Variants in SLC39A11 observed in about 807,000 individuals in gnomAD.
The protein encoded by SLC39A11 is zinc transporter ZIP11.
In SLC39A11, 33 loss-of-function variants were observed where a neutral mutation model predicts 36.1. The observed-to-expected ratio is 0.91, with a 90% confidence interval of 0.69 to 1.22. The LOEUF (loss-of-function observed/expected upper bound fraction) is 1.22, where lower values mean the gene tolerates loss of function less well. Among genes scored for constraint, SLC39A11 ranks in the 50% most tolerant of loss-of-function variants. SLC39A11 has a pLI of 0.00. For synonymous variants in SLC39A11, 166 were observed against 170.3 expected, an observed-to-expected ratio of 0.97 and a Z score of 0.20; for missense variants, 432 against 430.3, an observed-to-expected ratio of 1.00 and a Z score of -0.03.
intron 6 of SLC39A11, among the ~76,000 whole-genome samples, chr17:72,765,058 T>C (rs36020025): frequency 0.012 from 1,809 of 152,308 alleles, 10 homozygotes; most frequent in South Asian, 0.027. Context: ...ACTACCTTTG[T>C]AAAGCTAGTG....
intron 6 of SLC39A11, among the ~76,000 whole-genome samples, chr17:72,823,090 A>G (rs62071205): frequency 0.087 from 13,114 of 151,174 alleles, 969 homozygotes; most frequent in Middle Eastern, 0.12. Context: ...ACAAGGCAGG[A>G]AGAGGTGAGT....
At chr17:72,685,578 G>A (rs1259738440) in intron 7 of SLC39A11, among the ~76,000 whole-genome samples, 1 of 152,220 alleles carries the variant, frequency 6.6e-6, no homozygotes, top group Non-Finnish European at 1.5e-5. Flanking sequence ...GCAAAGGTCA[G>A]TTTTCATCTG....
intron 1 of SLC39A11, 87 bp from the exon 2 acceptor site, chr17:73,088,862 G>T: frequency 1.0e-6 from 1 of 962,472 alleles, no homozygotes. Context: ...ACCCTGTGTG[G>T]GAGCTGGCCT....
chr17:72,905,172 C>CAAAAAAAAAAAAAAAAAA (rs58702930), intron 5 of SLC39A11, among the ~76,000 whole-genome samples: 3 of 42,918 alleles, frequency 7.0e-5, no homozygotes, highest in African/African-American at 2.7e-4. Context: ...GACTCCATCT[C>CAAAAAAAAAAAAAAAAAA]AAAAAAAAAA....
chr17:73,006,378 C>A (rs1429381937), intron 4 of SLC39A11, among the ~76,000 whole-genome samples: 1 of 152,000 alleles, frequency 6.6e-6, no homozygotes, highest in African/African-American at 2.4e-5. Flanking sequence ...GATTGTGGGC[C>A]AAATCCAGCC....
chr17:73,085,142 G>A (rs1568250642), intron 2 of SLC39A11, among the ~76,000 whole-genome samples: 2 of 152,242 alleles, frequency 1.3e-5, no homozygotes, highest in East Asian at 3.9e-4. Flanking sequence ...TAAACCTTTA[G>A]TAAGTAGCCT....
intron 3 of SLC39A11, among the ~76,000 whole-genome samples, chr17:73,061,295 G>A (rs1165592230): frequency 6.6e-6 from 1 of 152,104 alleles, no homozygotes; most frequent in African/African-American, 2.4e-5. Flanking sequence ...AGAAGGCAGA[G>A]GTTGCAGTGA....
At chr17:72,723,757 G>T (rs1265310738) in intron 7 of SLC39A11, among the ~76,000 whole-genome samples, 4 of 152,148 alleles carry the variant, frequency 2.6e-5, no homozygotes, top group Non-Finnish European at 5.9e-5. Flanking sequence ...GCAATCTCAG[G>T]TTAGCAGGTA....
intron 5 of SLC39A11, among the ~76,000 whole-genome samples, chr17:72,941,862 C>CTATCTATT (rs1567991424): frequency 6.9e-6 from 1 of 144,684 alleles, no homozygotes; most frequent in Admixed American, 7.0e-5. Context: ...TTGCTTCATT[C>CTATCTATT]TATTTATTTA....
chr17:72,674,983 C>CATATGT lies in SLC39A11; in HGVS notation c.672-25716_672-25715insACATAT, dbSNP rs1567932718. Reference sequence around the variant, plus strand: ...TTCATTGGAAAAAAAAGTGTGTGTGCGTATGTGTGTGTGTGTGTGTGAGAC... The same window carrying CATATGT: ...TTCATTGGAAAAAAAAGTGTGTGTGCATATGTGTATGTGTGTGTGTGTGTGTGAGAC... On this transcript the variant is annotated intron_variant, in intron 7 of 9. Transcript: ENST00000255559. Among the ~76,000 whole-genome samples the CATATGT allele has an allele frequency of 5.4e-3, 404 of 74,918 alleles. 3 individuals are homozygous for CATATGT. The highest frequency in any genetic ancestry group is 0.025 in the East Asian group (63 of 2,510). 49.1% of individuals were successfully genotyped at this position (74,918 alleles called of 152,430 possible).
At chr17:73,053,259 T>C (rs571157742) in intron 3 of SLC39A11, among the ~76,000 whole-genome samples, 5 of 151,214 alleles carry the variant, frequency 3.3e-5, no homozygotes, top group African/African-American at 4.9e-5. Flanking sequence ...TTTTTAATTA[T>C]ATATGAAGAA....
At chr17:72,976,016 A>G (rs1229374740) in intron 4 of SLC39A11, among the ~76,000 whole-genome samples, 2 of 151,502 alleles carry the variant, frequency 1.3e-5, no homozygotes, top group East Asian at 3.9e-4. Context: ...TAAAAATACA[A>G]AAAATTAGCC....
At chr17:72,750,572 A>G (rs2075117745) in intron 6 of SLC39A11, among the ~76,000 whole-genome samples, 1 of 151,896 alleles carries the variant, frequency 6.6e-6, no homozygotes, top group African/African-American at 2.4e-5. Context: ...TTCCTTCAGG[A>G]TGATGAATAA....
At chr17:72,808,363 C>G (rs148314334) in intron 6 of SLC39A11, among the ~76,000 whole-genome samples, 11 of 152,212 alleles carry the variant, frequency 7.2e-5, no homozygotes, top group Non-Finnish European at 1.3e-4. Flanking sequence ...GGGCTGCCCT[C>G]GCTCATTCTT....
intron 6 of SLC39A11, among the ~76,000 whole-genome samples, chr17:72,773,303 T>C (rs1430892291): frequency 1.3e-5 from 2 of 152,116 alleles, no homozygotes; most frequent in Non-Finnish European, 2.9e-5. Flanking sequence ...CCAAATCTCA[T>C]CTTGAATTGT....
chr17:72,826,307 A>T (rs2078026192), intron 6 of SLC39A11, among the ~76,000 whole-genome samples: 1 of 152,060 alleles, frequency 6.6e-6, no homozygotes, highest in South Asian at 2.1e-4. Context: ...TTCCACCATG[A>T]TTTTAAGTTT....
At chr17:72,973,495 T>C (rs1200187618) in intron 4 of SLC39A11, among the ~76,000 whole-genome samples, 4 of 152,100 alleles carry the variant, frequency 2.6e-5, no homozygotes, top group Admixed American at 6.5e-5. Context: ...GTCTAGGAAT[T>C]ATAGGTAGGC....
intron 7 of SLC39A11, among the ~76,000 whole-genome samples, chr17:72,720,586 G>C (rs1713826827): frequency 1.3e-5 from 2 of 152,162 alleles, no homozygotes; most frequent in African/African-American, 4.8e-5. Context: ...TCTAGCTGTA[G>C]GATGTGTCAT....
chr17:72,927,482 A>G (rs893653042), intron 5 of SLC39A11, among the ~76,000 whole-genome samples: 2 of 152,220 alleles, frequency 1.3e-5, no homozygotes, highest in Non-Finnish European at 2.9e-5. Context: ...GTAGAATGGA[A>G]GGCCATCCCA....
Sources: gnomAD v4.1 joint callset for allele counts (sites outside exome capture counted in the v4.1 genomes callset) on GRCh38, gnomAD v4.1.1 for gene constraint, MANE v1.5 for transcripts, NCBI Gene and HGNC (gene_info 2026-07-23, HGNC 2026-07-21) for gene names.